The following CDH4 variants were observed in gnomAD, a reference collection of about 807,000 sequenced individuals.
CDH4 encodes cadherin 4.
A neutral mutation model predicts 86.0 loss-of-function variants in CDH4; 33 were observed. The ratio of observed to expected loss-of-function variants is 0.38; its 90% confidence interval spans 0.29 to 0.51. The LOEUF is 0.51. Ranked by LOEUF, CDH4 falls within the 20% of genes least tolerant of loss-of-function variation. CDH4 has a pLI of 0.86. For missense variants in CDH4, 1,114 were observed against 1,307.4 expected (o/e 0.85, Z 2.28); for synonymous variants, 555 against 549.4 (o/e 1.01, Z -0.14).
intron 2 of CDH4, among the ~76,000 whole-genome samples, chr20:61,388,703 G>T (rs749619804): frequency 6.6e-6 from 1 of 152,190 alleles, no homozygotes; most frequent in East Asian, 1.9e-4. Flanking sequence ...ACAGCAGGGG[G>T]ATGCTGGCTA....
At chr20:61,637,081 CT>C (rs949925047) in intron 2 of CDH4, among the ~76,000 whole-genome samples, 45 of 152,292 alleles carry the variant, frequency 3.0e-4, no homozygotes, top group African/African-American at 1.0e-3. Flanking sequence ...TTTGTTTTGC[CT>C]TCTTTGCTTT....
chr20:61,364,929 G>A (rs568729404), intron 2 of CDH4, among the ~76,000 whole-genome samples: 46 of 152,284 alleles, frequency 3.0e-4, no homozygotes, highest in African/African-American at 1.1e-3. Context: ...GCAGGAACTC[G>A]GGTGGGGAGC....
intron 2 of CDH4, among the ~76,000 whole-genome samples, chr20:61,589,759 C>A (rs1362734980): frequency 6.6e-6 from 1 of 151,860 alleles, no homozygotes; most frequent in Non-Finnish European, 1.5e-5. Context: ...CCTCCCCTCT[C>A]CCCCCATATT....
intron 2 of CDH4, among the ~76,000 whole-genome samples, chr20:61,257,343 G>A (rs1158268862): frequency 6.6e-6 from 1 of 152,202 alleles, no homozygotes; most frequent in Non-Finnish European, 1.5e-5. Flanking sequence ...GTGGCATTTT[G>A]TTTTATGTCT....
At chr20:61,256,467 C>T (rs952581488) in intron 2 of CDH4, among the ~76,000 whole-genome samples, 3 of 152,228 alleles carry the variant, frequency 2.0e-5, no homozygotes, top group Non-Finnish European at 4.4e-5. Flanking sequence ...ACAAGGATCT[C>T]TTCCCTTTCA....
intron 2 of CDH4, among the ~76,000 whole-genome samples, chr20:61,458,534 CTGG>C (rs1460111480): frequency 6.6e-6 from 1 of 151,472 alleles, no homozygotes; most frequent in East Asian, 1.9e-4. Context: ...AGTGCTGACA[CTGG>C]TGGTGGTGAT....
At chr20:61,652,603 G>A (rs1162636848) in intron 2 of CDH4, among the ~76,000 whole-genome samples, 1 of 152,018 alleles carries the variant, frequency 6.6e-6, no homozygotes, top group Non-Finnish European at 1.5e-5. Flanking sequence ...CTGAGGTCAC[G>A]ATGCATGGAC....
chr20:61,653,954 C>T (rs1031707631), intron 2 of CDH4, among the ~76,000 whole-genome samples: 6 of 150,668 alleles, frequency 4.0e-5, no homozygotes, highest in Admixed American at 2.0e-4. Context: ...GGCAGCCAGG[C>T]AGAGGGGCTC....
chr20:61,764,444 C>T (rs1244849740), intron 3 of CDH4, among the ~76,000 whole-genome samples: 2 of 152,062 alleles, frequency 1.3e-5, no homozygotes, highest in Non-Finnish European at 2.9e-5. Flanking sequence ...GAGAGGATGC[C>T]TGTATTTGAG....
intron 2 of CDH4, among the ~76,000 whole-genome samples, chr20:61,263,053 T>A (rs187495682): frequency 1.3e-5 from 2 of 152,190 alleles, no homozygotes; most frequent in Admixed American, 1.3e-4. Context: ...TAATTTCTCC[T>A]CCAAGTGAAT....
At chr20:61,856,853 G>A (rs1196490317) in intron 6 of CDH4, among the ~76,000 whole-genome samples, 2 of 152,236 alleles carry the variant, frequency 1.3e-5, no homozygotes, top group African/African-American at 2.4e-5. Context: ...CGAGCAAGGG[G>A]ACCATGACTG....
intron 7 of CDH4, among the ~76,000 whole-genome samples, chr20:61,876,239 C>G (rs1984019648): frequency 6.6e-6 from 1 of 152,230 alleles, no homozygotes; most frequent in Non-Finnish European, 1.5e-5. Flanking sequence ...CAGACTGCCC[C>G]ACCTGCGTGC....
intron 2 of CDH4, among the ~76,000 whole-genome samples, chr20:61,312,012 T>C (rs1481348323): frequency 6.6e-6 from 1 of 152,014 alleles, no homozygotes; most frequent in Non-Finnish European, 1.5e-5. Context: ...GCATGTGTTG[T>C]GCATATATGT....
chr20:61,401,615 A>C (rs182790242), intron 2 of CDH4, among the ~76,000 whole-genome samples: 1 of 152,286 alleles, frequency 6.6e-6, no homozygotes. Context: ...TCTTGAACAC[A>C]GTTTCTTCAT....
At chr20:61,696,461 G>A (rs778509271) in intron 2 of CDH4, among the ~76,000 whole-genome samples, 20 of 152,370 alleles carry the variant, frequency 1.3e-4, no homozygotes, top group South Asian at 4.1e-4. Flanking sequence ...AGCACTGGCT[G>A]AGCGCCAGCT....
At chr20:61,688,708 G>A (rs1002366518) in intron 2 of CDH4, among the ~76,000 whole-genome samples, 1 of 152,242 alleles carries the variant, frequency 6.6e-6, no homozygotes, top group South Asian at 2.1e-4. Flanking sequence ...TTCCGCCAGT[G>A]CCCCCAACTT....
chr20:61,673,966 G>A (rs1600862146), intron 2 of CDH4, among the ~76,000 whole-genome samples: 1 of 152,322 alleles, frequency 6.6e-6, no homozygotes, highest in East Asian at 1.9e-4. Context: ...ACATTTTTCA[G>A]TCTTAACATA....
chr20:61,752,569 C>G (rs142710431), intron 3 of CDH4, among the ~76,000 whole-genome samples: 5 of 152,078 alleles, frequency 3.3e-5, no homozygotes, highest in Non-Finnish European at 7.3e-5. Flanking sequence ...GAACTCTGTA[C>G]GGGACGTTAA....
intron 2 of CDH4, among the ~76,000 whole-genome samples, chr20:61,565,015 AAC>A (rs2086253510): frequency 7.2e-6 from 1 of 138,646 alleles, no homozygotes; most frequent in African/African-American, 2.7e-5. Context: ...GCGGGTACCC[AAC>A]ACACTGCTGC....
Sources: gnomAD v4.1 joint callset for allele counts (sites outside exome capture counted in the v4.1 genomes callset) on GRCh38, gnomAD v4.1.1 for gene constraint, MANE v1.5 for transcripts, NCBI Gene and HGNC (gene_info 2026-07-23, HGNC 2026-07-21) for gene names.